DAB1: variants seen among roughly 807,000 people sequenced by gnomAD.
The protein encoded by DAB1 is disabled homolog 1.
Under a neutral mutation model 64.6 loss-of-function variants are expected in DAB1, and 15 were observed. The ratio of observed to expected loss-of-function variants is 0.23; its 90% CI spans 0.16 to 0.36. DAB1 has a LOEUF of 0.36. DAB1 is among the 10% of genes least tolerant of loss of function. DAB1 has a pLI of 1.00. For missense variants in DAB1, 596 were observed against 706.7 expected (o/e 0.84, Z 1.78); for synonymous variants, 235 against 251.9 (o/e 0.93, Z 0.64).
chr1:57,439,418 G>GTTTTTTGTTTTTTTTT, intron 7 of DAB1, among the ~76,000 whole-genome samples: 2 of 116,140 alleles, frequency 1.7e-5, no homozygotes, highest in African/African-American at 3.5e-5. Flanking sequence ...TGGTGATGAG[G>GTTTTTTGTTTTTTTTT]TTTTTTCTTT....
At chr1:57,478,048 C>T (rs975163955) in intron 7 of DAB1, among the ~76,000 whole-genome samples, 4 of 143,008 alleles carry the variant, frequency 2.8e-5, no homozygotes, top group Non-Finnish European at 6.1e-5. Context: ...GCTATCCCTC[C>T]CCCCGCCCCC....
In DAB1 at chr1:58,283,218, G is replaced by C. The variant is rs570766964; in HGVS notation, n.309+60134C>G. On this transcript the variant is annotated intron_variant and non_coding_transcript_variant, in intron 4 of 20. Transcript: ENST00000485760. ...CATCCATCTGTCAGTGCGCATATGG[G>C]TAAAAGAGGCAAGCCAGGAAGCAGA... Among the ~76,000 whole-genome samples the C allele has an allele frequency of 6.8e-4, 103 of 152,088 alleles. 1 individual carries two copies. Among genetic ancestry groups the C allele is most frequent in the African/African-American group, 2.1e-3 (88 of 41,456 alleles).
intron 1 of DAB1, among the ~76,000 whole-genome samples, chr1:58,540,817 A>AG (rs943612095): frequency 1.3e-5 from 2 of 151,482 alleles, no homozygotes; most frequent in Non-Finnish European, 2.9e-5. Context: ...TGTAGACAGA[A>AG]AAAAAAAACA....
chr1:57,185,256 C>T (rs1663416492), intron 2 of DAB1, among the ~76,000 whole-genome samples: 1 of 152,142 alleles, frequency 6.6e-6, no homozygotes, highest in South Asian at 2.1e-4. Flanking sequence ...TTCCATAGTA[C>T]CCTGGGCATT....
At position 57,026,544 on chromosome 1, in the gene DAB1, A is replaced by G. The variant is rs368846639; in HGVS notation, c.724-501T>C. 4.6e-5 allele frequency among the ~76,000 whole-genome samples: 7 copies of G among 152,294 alleles called. No individual in the cohort carries two copies. In the East Asian group the frequency reaches 1.4e-3, roughly 29 times the overall value. ...CATCCTCATTTTTACAAATAAATAA[A>G]CTAAGTCTCAGGGATGTGGCATCAA... On this transcript the variant is annotated intron_variant, in intron 9 of 14. Coordinates refer to ENST00000371236, the MANE Select transcript of DAB1 (RefSeq NM_001365792.1).
chr1:57,704,520 A>G (rs1166289227), intron 6 of DAB1, among the ~76,000 whole-genome samples: 1 of 152,196 alleles, frequency 6.6e-6, no homozygotes, highest in African/African-American at 2.4e-5. Context: ...TCAAACACAA[A>G]GTAATCTCAA....
At chr1:58,040,161 C>T (rs116665868) in intron 5 of DAB1, among the ~76,000 whole-genome samples, 2,036 of 152,158 alleles carry the variant, frequency 0.013, 42 homozygotes, top group African/African-American at 0.043. Flanking sequence ...AGTATAGGTC[C>T]ATATTACCAG....
chr1:57,553,191 T>C (rs1644934635), intron 7 of DAB1, among the ~76,000 whole-genome samples: 1 of 151,548 alleles, frequency 6.6e-6, no homozygotes, highest in Non-Finnish European at 1.5e-5. Flanking sequence ...TTCCTATTAC[T>C]TAGGATTAGG....
intron 3 of DAB1, among the ~76,000 whole-genome samples, chr1:58,482,734 A>C (rs2100352002): frequency 6.6e-6 from 1 of 152,290 alleles, no homozygotes; most frequent in East Asian, 1.9e-4. Flanking sequence ...CCATGTGGCA[A>C]CCTAGGGAAA....
At chr1:57,117,310 A>G (rs1316165933) in intron 4 of DAB1, among the ~76,000 whole-genome samples, 1 of 152,220 alleles carries the variant, frequency 6.6e-6, no homozygotes, top group African/African-American at 2.4e-5. Flanking sequence ...ATGGCTGTAG[A>G]GTTCAACTTT....
intron 5 of DAB1, among the ~76,000 whole-genome samples, chr1:58,077,442 G>A (rs1359736091): frequency 1.3e-5 from 2 of 152,232 alleles, no homozygotes; most frequent in Non-Finnish European, 2.9e-5. Flanking sequence ...AAAGAGGAAA[G>A]TGGTACAGTC....
chr1:57,532,218 G>A (rs543944740), intron 7 of DAB1, among the ~76,000 whole-genome samples: 2 of 148,962 alleles, frequency 1.3e-5, no homozygotes, highest in Non-Finnish European at 3.0e-5. Context: ...GACAGGGTTG[G>A]GGGAGGAGTG....
At position 58,258,434 on chromosome 1, in the gene DAB1, A is replaced by G. The variant is rs1249583419; in HGVS notation, n.309+84918T>C. ...AAAAATGAACCAAATATGGCTTTGA[A>G]TGGCACAGACGAAATGAGGGTTCTA... On this transcript the variant is annotated intron_variant and non_coding_transcript_variant, in intron 4 of 20. Transcript: ENST00000485760. 5.9e-5 allele frequency among the ~76,000 whole-genome samples: 9 copies of G among 152,232 alleles called. No individual in the cohort carries two copies. In the South Asian group the frequency reaches 1.9e-3, roughly 31 times the overall value.
At chr1:57,930,985 G>T (rs1644945100) in intron 5 of DAB1, among the ~76,000 whole-genome samples, 1 of 152,124 alleles carries the variant, frequency 6.6e-6, no homozygotes, top group Admixed American at 6.6e-5. Context: ...CATGTTAGTT[G>T]TAGGTTTTTC....
chr1:57,029,695 A>C (rs1646907794), intron 9 of DAB1, among the ~76,000 whole-genome samples: 1 of 152,086 alleles, frequency 6.6e-6, no homozygotes, highest in Non-Finnish European at 1.5e-5. Flanking sequence ...ATCATTTTGG[A>C]GCTTTAAAAT....
Position 57,183,784 on chromosome 1 carries a change from G to A in DAB1, c.68-38355C>T, listed in dbSNP as rs116696714. Among the ~76,000 whole-genome samples, 546 of 152,296 alleles carry A rather than the reference G, an allele frequency of 3.6e-3. 1 individual carries two copies. The highest frequency in any genetic ancestry group is 5.7e-3 in the Non-Finnish European group (389 of 68,028). ...CAGAGGACTCACAATTTCCAGGAGA[G>A]ATAGGCAGTACTCTATATCATATTA... On this transcript the variant is annotated intron_variant, in intron 2 of 14. Coordinates refer to ENST00000371236, the MANE Select transcript of DAB1 (RefSeq NM_001365792.1).
chr1:57,337,109 A>G (rs1677143798), intron 1 of DAB1, among the ~76,000 whole-genome samples: 1 of 152,180 alleles, frequency 6.6e-6, no homozygotes, highest in Admixed American at 6.5e-5. Context: ...GTCTCTACCT[A>G]GAATCCAAAC....
intron 7 of DAB1, among the ~76,000 whole-genome samples, chr1:57,445,051 A>T (rs1295880585): frequency 6.6e-6 from 1 of 152,212 alleles, no homozygotes; most frequent in African/African-American, 2.4e-5. Context: ...TTGGTGCTCA[A>T]ATTATTTATT....
chr1:57,901,448 G>A (rs1644472489), intron 5 of DAB1, among the ~76,000 whole-genome samples: 1 of 151,980 alleles, frequency 6.6e-6, no homozygotes, highest in Non-Finnish European at 1.5e-5. Context: ...AATGTTCTTT[G>A]AAATTTACTC....
Sources: allele counts gnomAD v4.1 joint callset (sites outside exome capture counted in the v4.1 genomes callset), GRCh38; gene constraint gnomAD v4.1.1; transcripts MANE v1.5; gene names NCBI Gene and HGNC (gene_info 2026-07-23, HGNC 2026-07-21).